C9: variants seen among roughly 807,000 people sequenced by gnomAD.
C9 encodes the protein complement component C9.
A neutral mutation model predicts 65.4 loss-of-function variants in C9; 63 were observed. That is an observed-to-expected ratio of 0.96 (90% CI 0.79 to 1.19). The LOEUF (loss-of-function observed/expected upper bound fraction) is 1.19, where lower values mean the gene tolerates loss of function less well. Ranked by LOEUF, C9 falls within the 50% of genes most tolerant of loss-of-function variation. The probability of loss-of-function intolerance (pLI) is 0.00; values close to 1 mark genes in which losing one functional copy is unlikely to be tolerated. For missense variants in C9, 744 were observed against 670.1 expected, an observed-to-expected ratio of 1.11 and a Z score of -1.22; for synonymous variants, 229 against 227.9, an observed-to-expected ratio of 1.00 and a Z score of -0.04.
intron 8 of C9, 62 bp downstream of exon 8, chr5:39,308,168 G>A: frequency 7.1e-7 from 1 of 1,408,550 alleles, no homozygotes; most frequent in Non-Finnish European, 1.0e-6. Flanking sequence ...TTGCAAGAGG[G>A]CAGTGCTCAT....
chr5:39,332,188 T>C (rs1167668691), intron 4 of C9, among the ~76,000 whole-genome samples: 1 of 152,218 alleles, frequency 6.6e-6, no homozygotes, highest in Non-Finnish European at 1.5e-5. Flanking sequence ...TTTAAATTAT[T>C]TGAGAACAGA....
At chr5:39,287,885 A>G (rs1310549100) in intron 10 of C9, among the ~76,000 whole-genome samples, 1 of 151,906 alleles carries the variant, frequency 6.6e-6, no homozygotes, top group Admixed American at 6.6e-5. Context: ...AATGTTCACT[A>G]TTTGGGTGAT....
chr5:39,334,245 G>A (rs578135183), intron 4 of C9, among the ~76,000 whole-genome samples: 2 of 149,998 alleles, frequency 1.3e-5, no homozygotes, highest in South Asian at 4.2e-4. Context: ...TGAGATGTGG[G>A]GAGCGCCTCA....
At chr5:39,297,402 T>A (rs964567482) in intron 9 of C9, among the ~76,000 whole-genome samples, 2 of 151,566 alleles carry the variant, frequency 1.3e-5, no homozygotes, top group African/African-American at 2.4e-5. Context: ...ATTAATTACA[T>A]TAAATGCAAA....
chr5:39,348,441 C>G (rs1374308024), intron 1 of C9, among the ~76,000 whole-genome samples: 1 of 152,194 alleles, frequency 6.6e-6, no homozygotes, highest in African/African-American at 2.4e-5. Flanking sequence ...CACTAGCCAT[C>G]AGAGAAACGC....
At position 39,328,081 on chromosome 5, in the gene C9, G is replaced by T. The variant is rs543660608; in HGVS notation, c.615+3595C>A. ...AGAGTGGAAGGAAAAAGAGGGAAAGGTTGAGTGGAGGCTTAGCAGAATGTC... is the reference window on the plus strand; with the variant it reads ...AGAGTGGAAGGAAAAAGAGGGAAAGTTTGAGTGGAGGCTTAGCAGAATGTC... On this transcript the variant is annotated intron_variant, in intron 5 of 10. Coordinates refer to ENST00000263408, the MANE Select transcript of C9 (RefSeq NM_001737.5). Among the ~76,000 whole-genome samples the T allele has an allele frequency of 4.6e-5, 7 of 152,278 alleles. 1 individual carries two copies. In the East Asian group the frequency reaches 9.6e-4, roughly 21 times the overall value.
At position 39,347,852 on chromosome 5, in the gene C9, C is replaced by T. The variant is rs555791495; in HGVS notation, c.78-5656G>A. Among the ~76,000 whole-genome samples, 190 of 152,186 alleles carry T rather than the reference C, an allele frequency of 1.2e-3. 2 individuals are homozygous for T. The highest frequency in any genetic ancestry group is 4.4e-3 in the African/African-American group (184 of 41,498). On this transcript the variant is annotated intron_variant, in intron 1 of 10. Transcript: ENST00000263408. Reference sequence around the variant, plus strand: ...GACCAATGGAACAGAATGGAGCCCTCAGAAATAATACCACACATCTACAAC... The same window carrying T: ...GACCAATGGAACAGAATGGAGCCCTTAGAAATAATACCACACATCTACAAC...
At chr5:39,359,102 G>GTGTATATATATATATATATATA (rs1407613505) in intron 1 of C9, among the ~76,000 whole-genome samples, 45 of 103,648 alleles carry the variant, frequency 4.3e-4, no homozygotes, top group Middle Eastern at 5.9e-3. Flanking sequence ...GTGTGTGTGT[G>GTGTATATATATATATATATATA]TATATATATA....
intron 9 of C9, among the ~76,000 whole-genome samples, chr5:39,300,027 G>A (rs1356907711): frequency 6.6e-6 from 1 of 152,026 alleles, no homozygotes; most frequent in Non-Finnish European, 1.5e-5. Context: ...AGGTTTGTTA[G>A]GTTAGAGATT....
At chr5:39,358,963 T>C (rs835216) in intron 1 of C9, among the ~76,000 whole-genome samples, 60,608 of 148,810 alleles carry the variant, frequency 0.41, 12,402 homozygotes, top group Middle Eastern at 0.51. Flanking sequence ...CCAGCCTGGG[T>C]GGCAGAGCGA....
chr5:39,357,996 C>G (rs1311586011), intron 1 of C9, among the ~76,000 whole-genome samples: 1 of 151,708 alleles, frequency 6.6e-6, no homozygotes, highest in Non-Finnish European at 1.5e-5. Flanking sequence ...CTAAAGACAC[C>G]CAGTTGTTCA....
chr5:39,362,650 C>T (rs114104697), intron 1 of C9, among the ~76,000 whole-genome samples: 2,665 of 152,236 alleles, frequency 0.018, 79 homozygotes, highest in African/African-American at 0.061. Context: ...CCAAGCAACC[C>T]GCCCAAAATG....
intron 7 of C9, among the ~76,000 whole-genome samples, chr5:39,309,647 GC>G (rs1404392752): frequency 6.6e-6 from 1 of 152,176 alleles, no homozygotes; most frequent in Non-Finnish European, 1.5e-5. Flanking sequence ...CAGATTCTCT[GC>G]CTTAGCAGTG....
chr5:39,331,730 T>G lies in C9; in HGVS notation c.561A>C (p.Gly187=), dbSNP rs777711919. The G allele has an allele frequency of 6.2e-7, 1 of 1,613,696 alleles. No individual in the cohort carries two copies. Among genetic ancestry groups the G allele is most frequent in the South Asian group, 1.1e-5 (1 of 91,070 alleles). Residue 187 remains glycine, a synonymous_variant, in exon 5 of 11, where the codon GGA becomes GGC. Coordinates refer to ENST00000263408, the MANE Select transcript of C9 (RefSeq NM_001737.5). ...YNGLCNRDRD[G]NTLTYYRRPW... Reference sequence around the variant, plus strand: ...GTCTTCGGTAGTATGTCAGAGTGTTTCCATCCCGATCCCGGTTACAGAGTC... The same window carrying G: ...GTCTTCGGTAGTATGTCAGAGTGTTGCCATCCCGATCCCGGTTACAGAGTC...
chr5:39,308,300 A>T lies in C9; in HGVS notation c.1170T>A (p.Ala390=), dbSNP rs1407770893. 6.2e-7 allele frequency: 1 copy of T among 1,608,044 alleles called. No homozygotes were observed. The highest frequency in any genetic ancestry group is 2.2e-5 in the East Asian group (1 of 44,804). Reference sequence around the variant, plus strand: ...CAGCTCCAACAGAGATTTCAGAGAAAGCCAGAGATACATCCAGATGATACC... The same window carrying T: ...CAGCTCCAACAGAGATTTCAGAGAATGCCAGAGATACATCCAGATGATACC... ...CLGYHLDVSL[A]FSEISVGAEF... The change falls in exon 8 of 11, where the codon GCT becomes GCA. Residue 390 remains alanine, a synonymous_variant. Transcript: ENST00000263408.
chr5:39,311,478 A>C lies in C9; in HGVS notation c.871-101T>G. 5.3e-6 allele frequency: 6 copies of C among 1,141,344 alleles called. No homozygotes were observed. In the South Asian group the frequency reaches 6.3e-5, roughly 12 times the overall value. 70.7% of individuals were successfully genotyped at this position (1,141,344 alleles called of 1,614,324 possible). On this transcript the variant is annotated intron_variant, in intron 6 of 10. Coordinates refer to ENST00000263408, the MANE Select transcript of C9 (RefSeq NM_001737.5). ...AACTTCCATAGGCACTAAATGTTTT[A>C]GCAGTGACCATGAGATACCACTCTA...
At chr5:39,310,077 C>T (rs1308890231) in intron 7 of C9, among the ~76,000 whole-genome samples, 1 of 151,854 alleles carries the variant, frequency 6.6e-6, no homozygotes, top group Non-Finnish European at 1.5e-5. Context: ...ACATTCCACT[C>T]CCCCCCGGGA....
intron 1 of C9, among the ~76,000 whole-genome samples, chr5:39,346,816 A>G (rs1386364836): frequency 6.6e-6 from 1 of 152,216 alleles, no homozygotes; most frequent in Non-Finnish European, 1.5e-5. Context: ...CAAAAAGCTT[A>G]TCCACCATGA....
chr5:39,301,163 G>T (rs1286420770), intron 9 of C9, among the ~76,000 whole-genome samples: 2 of 152,082 alleles, frequency 1.3e-5, no homozygotes. Context: ...ATAATATGAT[G>T]CACTGAGAAT....
Sources: gnomAD v4.1 joint callset for allele counts (sites outside exome capture counted in the v4.1 genomes callset) on GRCh38, gnomAD v4.1.1 for gene constraint, MANE v1.5 for transcripts, NCBI Gene and HGNC (gene_info 2026-07-23, HGNC 2026-07-21) for gene names.